MTA3: variants seen among roughly 807,000 people sequenced by gnomAD.
MTA3 encodes the protein metastasis-associated protein MTA3.
A neutral mutation model predicts 83.5 loss-of-function variants in MTA3; 34 were observed. That is an observed-to-expected ratio of 0.41 (90% CI 0.31 to 0.54). The LOEUF is 0.54. Ranked by LOEUF, MTA3 falls within the 20% of genes least tolerant of loss-of-function variation. MTA3 has a pLI of 0.33. For synonymous variants in MTA3, 303 were observed against 252.7 expected (o/e 1.20, Z -1.89); for missense variants, 761 against 726.4 (o/e 1.05, Z -0.55).
chr2:42,738,133 G>A (rs1668742620), intron 16 of MTA3, among the ~76,000 whole-genome samples: 1 of 152,074 alleles, frequency 6.6e-6, no homozygotes, highest in South Asian at 2.1e-4. Context: ...ATGGTGGCAT[G>A]TGCCTGTAGT....
rs116596210 is a variant in MTA3, at chr2:42,738,344, C to G, written c.1760-15030C>G. Among the ~76,000 whole-genome samples the G allele has an allele frequency of 9.9e-3, 1,514 of 152,226 alleles. 24 individuals carry two copies. The highest frequency in any genetic ancestry group is 0.035 in the African/African-American group (1,452 of 41,524). ...GATTTTATGGGCATTTATTAGTTCC[C>G]CAAATGAATACTTTTGTAATTTCTT... On this transcript the variant is annotated intron_variant, in intron 16 of 16. Coordinates refer to ENST00000405094, the MANE Select transcript of MTA3 (RefSeq NM_001330442.2).
chr2:42,684,011 GATATAC>G (rs1344246923), intron 9 of MTA3, among the ~76,000 whole-genome samples: 1 of 152,036 alleles, frequency 6.6e-6, no homozygotes. Context: ...ATGATGATTT[GATATAC>G]ATATACATTG....
chr2:42,535,953 T>C lies in MTA3; in HGVS notation c.-140-34484T>C, dbSNP rs371655501. 2.3e-4 allele frequency among the ~76,000 whole-genome samples: 34 copies of C among 146,476 alleles called. No homozygotes were observed. In the East Asian group the frequency reaches 3.0e-3, roughly 13 times the overall value. On this transcript the variant is annotated intron_variant, in intron 2 of 17. Coordinates refer to the MTA3 transcript ENST00000405592. Reference sequence around the variant, plus strand: ...GGGCATTATAGTGAGATCCCGTCTCTACAAAAATATTAAAAAATTACCCAG... The same window carrying C: ...GGGCATTATAGTGAGATCCCGTCTCCACAAAAATATTAAAAAATTACCCAG...
At chr2:42,630,769 A>G (rs916603571) in intron 4 of MTA3, among the ~76,000 whole-genome samples, 5 of 152,136 alleles carry the variant, frequency 3.3e-5, no homozygotes, top group Admixed American at 1.3e-4. Context: ...ATACCAAGTA[A>G]AATAGTTGAA....
intron 3 of MTA3, among the ~76,000 whole-genome samples, chr2:42,592,708 TCC>T (rs758911257): frequency 3.9e-4 from 59 of 152,216 alleles, no homozygotes; most frequent in Non-Finnish European, 7.9e-4. Context: ...CCACATCTTG[TCC>T]CACTGGAAGG....
At chr2:42,502,214 G>T (rs886563903) in intron 2 of MTA3, among the ~76,000 whole-genome samples, 14 of 152,102 alleles carry the variant, frequency 9.2e-5, no homozygotes, top group Non-Finnish European at 1.6e-4. Flanking sequence ...ATTGATTAAG[G>T]AGTTGAAGCT....
chr2:42,714,027 C>T (rs749105340), intron 14 of MTA3, among the ~76,000 whole-genome samples: 3 of 152,220 alleles, frequency 2.0e-5, no homozygotes, highest in Non-Finnish European at 4.4e-5. Flanking sequence ...CACAGTCCCA[C>T]TCACAACATC....
intron 4 of MTA3, among the ~76,000 whole-genome samples, chr2:42,623,920 G>T (rs1478094574): frequency 6.6e-6 from 1 of 151,998 alleles, no homozygotes; most frequent in African/African-American, 2.4e-5. Context: ...TCGAACTCCT[G>T]ACCTTAGGTG....
chr2:42,663,615 A>AACAAG (rs1395583689), intron 8 of MTA3, among the ~76,000 whole-genome samples: 5 of 152,130 alleles, frequency 3.3e-5, no homozygotes, highest in African/African-American at 1.2e-4. Context: ...AACAAAACAA[A>AACAAG]TTAGCCAGGC....
intron 16 of MTA3, among the ~76,000 whole-genome samples, chr2:42,738,409 A>G (rs1251144971): frequency 2.6e-5 from 4 of 152,224 alleles, no homozygotes; most frequent in Non-Finnish European, 4.4e-5. Flanking sequence ...TAAATTGTAA[A>G]GATTTCATGG....
At chr2:42,668,445 C>T (rs1408412322) in intron 8 of MTA3, among the ~76,000 whole-genome samples, 2 of 152,130 alleles carry the variant, frequency 1.3e-5, no homozygotes, top group African/African-American at 2.4e-5. Flanking sequence ...CTTCCAGCCT[C>T]GGAAAAAGGC....
At chr2:42,579,480 G>T (rs1679391653) in intron 3 of MTA3, among the ~76,000 whole-genome samples, 1 of 149,632 alleles carries the variant, frequency 6.7e-6, no homozygotes, top group Non-Finnish European at 1.5e-5. Context: ...AGGCTGGAGT[G>T]CAGTGGTGTG....
At chr2:42,651,023 A>G (rs1028940250) in intron 6 of MTA3, among the ~76,000 whole-genome samples, 1 of 152,182 alleles carries the variant, frequency 6.6e-6, no homozygotes, top group African/African-American at 2.4e-5. Flanking sequence ...CCCAGGCTAT[A>G]TGGTATAGTC....
In MTA3 at chr2:42,547,764, C is replaced by T. The variant is rs899960710; in HGVS notation, c.-140-22673C>T. Among the ~76,000 whole-genome samples the T allele has an allele frequency of 2.6e-5, 4 of 152,360 alleles. No homozygotes were observed. In the South Asian group the frequency reaches 8.3e-4, roughly 32 times the overall value. ...CTATTAAGCTAGGTTGCAGTTCGTC[C>T]ACGAGGACTCAAATAAAGAAGTACA... On this transcript the variant is annotated intron_variant, in intron 2 of 17. Transcript: ENST00000405592.
chr2:42,601,142 C>T (rs1245717493), intron 3 of MTA3, among the ~76,000 whole-genome samples: 1 of 151,796 alleles, frequency 6.6e-6, no homozygotes, highest in Non-Finnish European at 1.5e-5. Context: ...CTTGATCTCA[C>T]GATCTACCCG....
At chr2:42,710,261 G>A (rs911730815) in intron 14 of MTA3, among the ~76,000 whole-genome samples, 21 of 152,134 alleles carry the variant, frequency 1.4e-4, no homozygotes, top group African/African-American at 3.6e-4. Context: ...GCTTTGTAAA[G>A]GGAGTTGAGG....
intron 2 of MTA3, among the ~76,000 whole-genome samples, chr2:42,573,722 G>A (rs1298777036): frequency 6.6e-6 from 1 of 152,064 alleles, no homozygotes; most frequent in Non-Finnish European, 1.5e-5. Flanking sequence ...TGTTGGCCAG[G>A]CTGGTCTCAA....
intron 16 of MTA3, among the ~76,000 whole-genome samples, chr2:42,745,368 G>C (rs2104592077): frequency 6.6e-6 from 1 of 152,272 alleles, no homozygotes; most frequent in Middle Eastern, 3.4e-3. Context: ...GGAAAATAGG[G>C]CTGACCACAT....
chr2:42,692,983 A>C (rs1693041991), intron 9 of MTA3, among the ~76,000 whole-genome samples: 2 of 152,096 alleles, frequency 1.3e-5, no homozygotes, highest in Admixed American at 1.3e-4. Flanking sequence ...GTTTTTGCAG[A>C]CTCAAAGTAC....
Sources: gnomAD v4.1 joint callset for allele counts (sites outside exome capture counted in the v4.1 genomes callset) on GRCh38, gnomAD v4.1.1 for gene constraint, MANE v1.5 for transcripts, NCBI Gene and HGNC (gene_info 2026-07-23, HGNC 2026-07-21) for gene names.